WWOX: variants seen among roughly 807,000 people sequenced by gnomAD.
WWOX encodes the protein WW domain containing oxidoreductase.
WWOX carries 69 observed loss-of-function variants against 46.2 expected under a neutral mutation model. That is an observed-to-expected ratio of 1.49 (90% CI 1.23 to 1.82). WWOX has a LOEUF of 1.82. Ranked by LOEUF, WWOX falls within the 40% of genes most tolerant of loss-of-function variation. The pLI is 0.00. For missense variants in WWOX, 919 were observed against 542.6 expected (o/e 1.69, Z -6.89); for synonymous variants, 359 against 202.6 (o/e 1.77, Z -6.56).
intron 8 of WWOX, among the ~76,000 whole-genome samples, chr16:78,500,994 A>T (rs919590659): frequency 3.3e-5 from 5 of 152,110 alleles, no homozygotes; most frequent in Non-Finnish European, 5.9e-5. Flanking sequence ...CCAGCCAGGG[A>T]AATATGTTTC....
At chr16:78,783,754 T>C (rs139609019) in intron 8 of WWOX, among the ~76,000 whole-genome samples, 2 of 152,080 alleles carry the variant, frequency 1.3e-5, no homozygotes, top group Non-Finnish European at 2.9e-5. Flanking sequence ...GTGATGGTGA[T>C]GATGGTAGTA....
At position 79,115,694 on chromosome 16, in the gene WWOX, C is replaced by T. The variant is rs547322658; in HGVS notation, c.1057-95914C>T. Among the ~76,000 whole-genome samples, 33 of 152,284 alleles carry T rather than the reference C, an allele frequency of 2.2e-4. No homozygotes were observed. The South Asian group carries it at 4.4e-3, about 20-fold the overall frequency. On this transcript the variant is annotated intron_variant, in intron 8 of 8. Coordinates refer to ENST00000566780, the MANE Select transcript of WWOX (RefSeq NM_016373.4). ...CAGGGGGCCTCTCCCAGCCCCCGCA[C>T]TGGTTGCACTTTTAAATAAGAGAAA... is the stretch of plus-strand genomic sequence containing the variant.
At chr16:78,611,776 C>T (rs996978959) in intron 8 of WWOX, among the ~76,000 whole-genome samples, 6 of 152,186 alleles carry the variant, frequency 3.9e-5, no homozygotes, top group Non-Finnish European at 8.8e-5. Context: ...ACTCCAGTAT[C>T]AGCTTCAGTC....
At chr16:78,443,909 G>A (rs1374107758) in intron 8 of WWOX, among the ~76,000 whole-genome samples, 1 of 152,028 alleles carries the variant, frequency 6.6e-6, no homozygotes, top group Non-Finnish European at 1.5e-5. Flanking sequence ...TTAGATATTG[G>A]AGGCCAGCGT....
chr16:78,442,827 C>G (rs189714364), intron 8 of WWOX, among the ~76,000 whole-genome samples: 16 of 151,330 alleles, frequency 1.1e-4, no homozygotes, highest in Admixed American at 9.2e-4. Context: ...TAAAAAGATA[C>G]AAAAAAATTG....
At chr16:78,100,569 C>T (rs553773601) in intron 1 of WWOX, among the ~76,000 whole-genome samples, 68 of 152,320 alleles carry the variant, frequency 4.5e-4, no homozygotes, top group African/African-American at 1.6e-3. Flanking sequence ...TTTTTAGTAG[C>T]AGTCCTAGAT....
Position 78,386,985 on chromosome 16 carries a change from C to T in WWOX, c.605+37C>T, listed in dbSNP as rs12446823. 115,573 of 1,583,568 alleles carry T rather than the reference C, an allele frequency of 0.073. 4,677 individuals are homozygous for T. Among genetic ancestry groups the T allele is most frequent in the Middle Eastern group, 0.11 (647 of 6,020 alleles). Reference sequence around the variant, plus strand: ...AGTGGAGGGTTATAGATCATAATTTCTTGCTATTGTAATATCTTTATCAGA... The same window carrying T: ...AGTGGAGGGTTATAGATCATAATTTTTTGCTATTGTAATATCTTTATCAGA... On this transcript the variant is annotated intron_variant, in intron 6 of 8. Coordinates refer to ENST00000566780, the MANE Select transcript of WWOX (RefSeq NM_016373.4).
At chr16:79,120,248 T>G (rs1194004074) in intron 8 of WWOX, among the ~76,000 whole-genome samples, 2 of 152,160 alleles carry the variant, frequency 1.3e-5, no homozygotes, top group East Asian at 3.9e-4. Flanking sequence ...CCAGATTCCC[T>G]AGCTAGGAAC....
chr16:78,468,699 C>G (rs932858025), intron 8 of WWOX, among the ~76,000 whole-genome samples: 1 of 152,206 alleles, frequency 6.6e-6, no homozygotes, highest in African/African-American at 2.4e-5. Context: ...GTTTGAGCCT[C>G]AGTTTTCCTG....
At chr16:78,945,814 G>C (rs1044012206) in intron 8 of WWOX, among the ~76,000 whole-genome samples, 9 of 152,036 alleles carry the variant, frequency 5.9e-5, no homozygotes, top group African/African-American at 9.7e-5. Flanking sequence ...GCTGTCTTTA[G>C]TTCGTATGGG....
At chr16:79,067,628 G>C (rs1384208865) in intron 8 of WWOX, among the ~76,000 whole-genome samples, 1 of 135,258 alleles carries the variant, frequency 7.4e-6, no homozygotes, top group Non-Finnish European at 1.6e-5. Flanking sequence ...GTGTGGGTGG[G>C]GTGGGGGGCG....
intron 8 of WWOX, among the ~76,000 whole-genome samples, chr16:78,482,149 T>A (rs1399197856): frequency 6.6e-6 from 1 of 152,206 alleles, no homozygotes; most frequent in Admixed American, 6.5e-5. Context: ...CATGTCTTTT[T>A]ACATCACAGT....
At chr16:78,885,864 G>C (rs756768971) in intron 8 of WWOX, among the ~76,000 whole-genome samples, 7 of 151,450 alleles carry the variant, frequency 4.6e-5, no homozygotes, top group Non-Finnish European at 1.0e-4. Context: ...GCAGTGTGTA[G>C]AATTTGACTC....
At chr16:78,171,927 A>G (rs530455474) in intron 5 of WWOX, among the ~76,000 whole-genome samples, 3 of 152,168 alleles carry the variant, frequency 2.0e-5, no homozygotes, top group Admixed American at 2.0e-4. Context: ...GGATATTCCT[A>G]TTTGTCTTTG....
chr16:78,439,903 G>A (rs1282624952), intron 8 of WWOX, among the ~76,000 whole-genome samples: 1 of 152,212 alleles, frequency 6.6e-6, no homozygotes, highest in African/African-American at 2.4e-5. Flanking sequence ...ACAGATGGGA[G>A]GGATGAGGCT....
chr16:78,490,990 G>C (rs1161300586), intron 8 of WWOX, among the ~76,000 whole-genome samples: 1 of 152,130 alleles, frequency 6.6e-6, no homozygotes, highest in African/African-American at 2.4e-5. Context: ...CCGAGTGACC[G>C]CTCCAGCCTT....
chr16:78,432,185 T>G (rs913032717), intron 7 of WWOX, among the ~76,000 whole-genome samples: 1 of 151,924 alleles, frequency 6.6e-6, no homozygotes, highest in Non-Finnish European at 1.5e-5. Flanking sequence ...TGGCACAATC[T>G]TTGCTCACTG....
At chr16:78,782,480 T>C (rs186240656) in intron 8 of WWOX, among the ~76,000 whole-genome samples, 1 of 152,204 alleles carries the variant, frequency 6.6e-6, no homozygotes, top group Admixed American at 6.5e-5. Context: ...CTAAATACTC[T>C]CCCAGAGTAG....
chr16:78,903,615 G>T (rs2044883960), intron 8 of WWOX, among the ~76,000 whole-genome samples: 1 of 152,142 alleles, frequency 6.6e-6, no homozygotes, highest in Admixed American at 6.5e-5. Context: ...TTTCAGTTTG[G>T]TTCTAAGAAG....
Sources: gnomAD v4.1 joint callset for allele counts (sites outside exome capture counted in the v4.1 genomes callset) on GRCh38, gnomAD v4.1.1 for gene constraint, MANE v1.5 for transcripts, NCBI Gene and HGNC (gene_info 2026-07-23, HGNC 2026-07-21) for gene names.